The following SEMA3C variants were observed in gnomAD, a reference collection of about 807,000 sequenced individuals.
SEMA3C encodes the protein semaphorin-3C.
SEMA3C carries 47 observed loss-of-function variants against 89.4 expected under a neutral mutation model. The ratio of observed to expected loss-of-function variants is 0.53; its 90% CI spans 0.42 to 0.67. SEMA3C has a LOEUF of 0.67. SEMA3C is among the 30% of genes least tolerant of loss of function. The pLI, the probability that SEMA3C is intolerant of heterozygous loss-of-function variation, is 0.00. For missense variants in SEMA3C, 839 were observed against 929.1 expected, an observed-to-expected ratio of 0.90 and a Z score of 1.26; for synonymous variants, 310 against 320.2, an observed-to-expected ratio of 0.97 and a Z score of 0.34.
At chr7:80,768,794 G>A (rs1425724142) in intron 12 of SEMA3C, among the ~76,000 whole-genome samples, 3 of 152,168 alleles carry the variant, frequency 2.0e-5, no homozygotes, top group Non-Finnish European at 4.4e-5. Context: ...ATTTGTGTGT[G>A]TGTGTGTGTG....
intron 4 of SEMA3C, among the ~76,000 whole-genome samples, chr7:80,822,157 T>C (rs1789764043): frequency 1.3e-5 from 2 of 152,172 alleles, no homozygotes. Flanking sequence ...ATGAATAGAC[T>C]CAATCAATGC....
chr7:80,894,962 C>T (rs1322202358), intron 2 of SEMA3C, among the ~76,000 whole-genome samples: 3 of 152,124 alleles, frequency 2.0e-5, no homozygotes, highest in Non-Finnish European at 1.5e-5. Flanking sequence ...TATAAGGGGC[C>T]AGATTAGATG....
chr7:80,828,486 T>G (rs1244215071), intron 3 of SEMA3C, 99 bp downstream of exon 3: 1 of 962,226 alleles, frequency 1.0e-6, no homozygotes, highest in African/African-American at 1.7e-5. Context: ...TATTTTCTAT[T>G]GTTCTAATAA....
At chr7:80,846,981 G>A (rs1583936424) in intron 2 of SEMA3C, among the ~76,000 whole-genome samples, 2 of 152,244 alleles carry the variant, frequency 1.3e-5, no homozygotes, top group Non-Finnish European at 2.9e-5. Context: ...TTTGTATACT[G>A]AGTACATGTC....
chr7:80,917,932 G>A lies in SEMA3C; in HGVS notation c.-39+896C>T, dbSNP rs559367987. On this transcript the variant is annotated intron_variant, in intron 1 of 17. Coordinates refer to ENST00000265361, the MANE Select transcript of SEMA3C (RefSeq NM_006379.5). The stretch of plus-strand genomic sequence containing the variant: ...AATACAGAATAAAAAGAATTAAATG[G>A]AATATGCAATTTTAAACAAAAATTG... 3.3e-5 allele frequency among the ~76,000 whole-genome samples: 5 copies of A among 152,248 alleles called. No individual in the cohort carries two copies. The South Asian group carries it at 8.3e-4, about 25-fold the overall frequency.
intron 11 of SEMA3C, among the ~76,000 whole-genome samples, chr7:80,789,934 A>C (rs13234074): frequency 0.045 from 6,914 of 152,166 alleles, 372 homozygotes; most frequent in East Asian, 0.25. Context: ...AATTCAGTCA[A>C]ACTCTGACAT....
chr7:80,828,843 A>T (rs1789943229), intron 2 of SEMA3C, 98 bp from the exon 3 acceptor site: 2 of 944,030 alleles, frequency 2.1e-6, no homozygotes, highest in Non-Finnish European at 3.1e-6. Flanking sequence ...AAAAAATGTC[A>T]AGGTACATTT....
intron 2 of SEMA3C, among the ~76,000 whole-genome samples, chr7:80,831,394 G>T (rs939407923): frequency 2.6e-5 from 4 of 152,148 alleles, no homozygotes; most frequent in African/African-American, 9.7e-5. Context: ...TTTTAAAAGA[G>T]TCCCGGAGCT....
chr7:80,777,174 C>T (rs559048182), intron 12 of SEMA3C, among the ~76,000 whole-genome samples: 2 of 152,154 alleles, frequency 1.3e-5, no homozygotes, highest in Admixed American at 1.3e-4. Context: ...ATATAATTTC[C>T]TCAATGTAAT....
At chr7:80,866,958 G>A (rs1790941017) in intron 2 of SEMA3C, among the ~76,000 whole-genome samples, 1 of 152,164 alleles carries the variant, frequency 6.6e-6, no homozygotes, top group African/African-American at 2.4e-5. Context: ...TGGAAACAAT[G>A]GAGCCTGTGA....
upstream of SEMA3C, among the ~76,000 whole-genome samples, chr7:80,920,212 A>G (rs926261201): frequency 3.0e-4 from 45 of 152,162 alleles, no homozygotes; most frequent in African/African-American, 1.0e-3. Flanking sequence ...AGTGAAAATT[A>G]CTTCTCCGGA....
At chr7:80,864,425 G>A (rs1318041650) in intron 2 of SEMA3C, among the ~76,000 whole-genome samples, 1 of 151,868 alleles carries the variant, frequency 6.6e-6, no homozygotes, top group African/African-American at 2.4e-5. Context: ...AAATAAAGAA[G>A]ATAAAAACAA....
chr7:80,838,735 G>A lies in SEMA3C; in HGVS notation c.104-9990C>T, dbSNP rs181108271. Among the ~76,000 whole-genome samples the A allele has an allele frequency of 9.2e-5, 14 of 152,184 alleles. No individual in the cohort carries two copies. The East Asian group carries it at 2.7e-3, about 29-fold the overall frequency. On this transcript the variant is annotated intron_variant, in intron 2 of 17. Coordinates refer to ENST00000265361, the MANE Select transcript of SEMA3C (RefSeq NM_006379.5). ...GAAAGCAAAGCTCCTCTTACATGGT[G>A]GCAAGAGAAAGAGAAAGAGCAAGAA... is the stretch of plus-strand genomic sequence containing the variant.
chr7:80,796,400 C>CA (rs1789065622), intron 11 of SEMA3C: 1 of 152,124 alleles, frequency 6.6e-6, no homozygotes, highest in African/African-American at 2.4e-5. Flanking sequence ...TTTTTGGAGA[C>CA]AAGAGTCTCG....
chr7:80,883,301 A>AG (rs1791396433), intron 2 of SEMA3C, among the ~76,000 whole-genome samples: 1 of 152,124 alleles, frequency 6.6e-6, no homozygotes, highest in African/African-American at 2.4e-5. Flanking sequence ...CACACATGGA[A>AG]TTTAGATTCT....
intron 15 of SEMA3C, among the ~76,000 whole-genome samples, chr7:80,754,948 T>TTTTTTTTTTTTTTTTTTTTTG (rs746451567): frequency 7.3e-5 from 2 of 27,370 alleles, no homozygotes; most frequent in African/African-American, 1.7e-4. Flanking sequence ...TGGCGAATTG[T>TTTTTTTTTTTTTTTTTTTTTG]TTTTTTTTGT....
intron 13 of SEMA3C, among the ~76,000 whole-genome samples, chr7:80,764,116 C>T (rs1788245156): frequency 6.6e-6 from 1 of 152,126 alleles, no homozygotes; most frequent in African/African-American, 2.4e-5. Flanking sequence ...CTTATAAAGT[C>T]AGTATTTTTG....
intron 13 of SEMA3C, among the ~76,000 whole-genome samples, chr7:80,762,114 AGAG>A (rs1788198784): frequency 6.6e-6 from 1 of 150,968 alleles, no homozygotes; most frequent in Non-Finnish European, 1.5e-5. Context: ...AAAAAAAAAA[AGAG>A]TGGTAATTAA....
At position 80,918,847 on chromosome 7, in the gene SEMA3C, CA is replaced by C. The variant is rs1310464263; in HGVS notation, c.-59del. 1 of 985,350 alleles carries C rather than the reference CA, an allele frequency of 1.0e-6. No homozygotes were observed. The highest frequency in any genetic ancestry group is 1.2e-6 in the Non-Finnish European group (1 of 829,960). The allele number at this position is 985,350 out of a possible 1,614,324, so 61.0% of individuals were successfully genotyped here. On this transcript the variant is annotated 5_prime_UTR_variant, in exon 1 of 18. The change abolishes the stop of an existing upstream ORF in the 5' untranslated region. Coordinates refer to ENST00000265361, the MANE Select transcript of SEMA3C (RefSeq NM_006379.5). Reference sequence around the variant, plus strand: ...GCTTACCGAGGTTGAAAGAAATCAGCACGGAAAAGTCATCAGTTTGCTACCG... The same window carrying C: ...GCTTACCGAGGTTGAAAGAAATCAGCCGGAAAAGTCATCAGTTTGCTACCG...
Sources: allele counts gnomAD v4.1 joint callset (sites outside exome capture counted in the v4.1 genomes callset), GRCh38; gene constraint gnomAD v4.1.1; transcripts MANE v1.5; gene names NCBI Gene and HGNC (gene_info 2026-07-23, HGNC 2026-07-21).